The following FZD3 variants were observed in gnomAD, a reference collection of about 807,000 sequenced individuals.
FZD3 encodes the protein frizzled-3.
In FZD3, 30 loss-of-function variants were observed where a neutral mutation model predicts 60.7. That is an observed-to-expected ratio of 0.49 (90% CI 0.37 to 0.67). The LOEUF is 0.67. Ranked by LOEUF, FZD3 falls within the 30% of genes least tolerant of loss-of-function variation. The pLI, the probability that FZD3 is intolerant of heterozygous loss-of-function variation, is 0.00. For missense variants in FZD3, 605 were observed against 838.7 expected, an observed-to-expected ratio of 0.72 and a Z score of 3.44; for synonymous variants, 246 against 275.2, an observed-to-expected ratio of 0.89 and a Z score of 1.05.
chr8:28,520,627 C>T lies in FZD3; in HGVS notation c.190-11C>T. 1.3e-6 allele frequency: 2 copies of T among 1,509,228 alleles called. No individual in the cohort carries two copies. The highest frequency in any genetic ancestry group is 1.8e-6 in the Non-Finnish European group (2 of 1,117,730). The allele number at this position is 1,509,228 out of a possible 1,614,324, so 93.5% of individuals were successfully genotyped here. A position where few individuals can be genotyped will look rare whatever the true frequency, so the allele number is the denominator to read the frequency against. On this transcript the variant is annotated splice_polypyrimidine_tract_variant and intron_variant, in intron 3 of 7. Transcript: ENST00000240093. Reference sequence around the variant, plus strand: ...TCTTTAACTAATTATTCAATTTTAACTTTTCCCTAGCCATTCCACCCTATG... The same window carrying T: ...TCTTTAACTAATTATTCAATTTTAATTTTTCCCTAGCCATTCCACCCTATG...
chr8:28,531,568 C>T (rs917737727), intron 5 of FZD3, among the ~76,000 whole-genome samples: 5 of 152,062 alleles, frequency 3.3e-5, no homozygotes, highest in African/African-American at 9.7e-5. Flanking sequence ...TTAATTTATA[C>T]GCACACCAGA....
At chr8:28,517,197 AAAT>A (rs1474475646) in intron 3 of FZD3, among the ~76,000 whole-genome samples, 1 of 152,114 alleles carries the variant, frequency 6.6e-6, no homozygotes, top group Non-Finnish European at 1.5e-5. Flanking sequence ...CTTCATTTGT[AAAT>A]AATATTTTTA....
At chr8:28,499,396 A>G (rs1803932104) in intron 1 of FZD3, among the ~76,000 whole-genome samples, 1 of 152,186 alleles carries the variant, frequency 6.6e-6, no homozygotes, top group African/African-American at 2.4e-5. Flanking sequence ...TGGTTATACC[A>G]TAATTTATTT....
intron 5 of FZD3, among the ~76,000 whole-genome samples, chr8:28,547,203 C>T (rs1343750161): frequency 1.3e-5 from 2 of 152,190 alleles, no homozygotes; most frequent in Non-Finnish European, 2.9e-5. Flanking sequence ...CTCCCATACA[C>T]ACTTCCCTAC....
chr8:28,537,312 T>C (rs1401168366), intron 5 of FZD3, among the ~76,000 whole-genome samples: 1 of 152,258 alleles, frequency 6.6e-6, no homozygotes, highest in East Asian at 1.9e-4. Context: ...TATTCTGGCC[T>C]CTGTTAAACA....
At chr8:28,513,109 C>T (rs935877702) in intron 3 of FZD3, among the ~76,000 whole-genome samples, 2 of 152,076 alleles carry the variant, frequency 1.3e-5, no homozygotes, top group Non-Finnish European at 1.5e-5. Context: ...CGTCTAAATA[C>T]AAGTAGTAGA....
At chr8:28,533,851 A>T (rs1804942201) in intron 5 of FZD3, among the ~76,000 whole-genome samples, 1 of 152,166 alleles carries the variant, frequency 6.6e-6, no homozygotes, top group African/African-American at 2.4e-5. Context: ...TGGTGTGGCT[A>T]AAGTTTTATT....
chr8:28,569,727 A>G lies in FZD3; in HGVS notation c.*6716A>G, dbSNP rs1805771764. Reference sequence around the variant, plus strand: ...GATAATAAAAATGAAAGAAAGTTATAAATATTGGACATGGCTTTTTTAAAT... The same window carrying G: ...GATAATAAAAATGAAAGAAAGTTATGAATATTGGACATGGCTTTTTTAAAT... On this transcript the variant is annotated 3_prime_UTR_variant, in exon 8 of 8. Coordinates refer to ENST00000240093, the MANE Select transcript of FZD3 (RefSeq NM_017412.4). The G allele has an allele frequency of 6.6e-6, 1 of 152,330 alleles. No homozygotes were observed. The highest frequency in any genetic ancestry group is 2.1e-4 in the South Asian group (1 of 4,832). The allele number at this position is 152,330 out of a possible 1,614,324, so 9.4% of individuals were successfully genotyped here.
In FZD3 at chr8:28,564,445, A is replaced by T. The variant is rs936868992; in HGVS notation, c.*1434A>T. The T allele has an allele frequency of 3.0e-3, 118 of 38,762 alleles. No homozygotes were observed. Among genetic ancestry groups the T allele is most frequent in the Middle Eastern group, 0.014 (1 of 74 alleles). The allele number at this position is 38,762 out of a possible 1,614,324, so 2.4% of individuals were successfully genotyped here. The stretch of plus-strand genomic sequence containing the variant: ...AAATAAGAATTGGTAGCTTTCTTAA[A>T]AAAAAAAAAAAAAAAAAAAAGCGCT... On this transcript the variant is annotated 3_prime_UTR_variant, in exon 8 of 8. Transcript: ENST00000240093.
Position 28,569,911 on chromosome 8 carries a change from A to G in FZD3, c.*6900A>G, listed in dbSNP as rs762658341. ...CAAGATCAAATTAGTGAACAAAGCA[A>G]TGGTTCGTATGGCTAATTTAAAAGC... On this transcript the variant is annotated 3_prime_UTR_variant, in exon 8 of 8. Coordinates refer to ENST00000240093, the MANE Select transcript of FZD3 (RefSeq NM_017412.4). 1 of 152,210 alleles carries G rather than the reference A, an allele frequency of 6.6e-6. No individual in the cohort carries two copies. Among genetic ancestry groups the G allele is most frequent in the Admixed American group, 6.5e-5 (1 of 15,284 alleles). The allele number at this position is 152,210 out of a possible 1,614,324, so 9.4% of individuals were successfully genotyped here.
chr8:28,547,139 G>A (rs1006024061), intron 5 of FZD3, among the ~76,000 whole-genome samples: 25 of 152,158 alleles, frequency 1.6e-4, no homozygotes, highest in African/African-American at 6.0e-4. Context: ...TTATGTTCAC[G>A]CGTGTACAAA....
At chr8:28,525,967 C>T (rs73559417) in intron 4 of FZD3, among the ~76,000 whole-genome samples, 3,288 of 152,108 alleles carry the variant, frequency 0.022, 109 homozygotes, top group African/African-American at 0.075. Flanking sequence ...TTGGCCTGAG[C>T]AGCTAGAAGT....
chr8:28,533,721 A>G (rs1804937251), intron 5 of FZD3, among the ~76,000 whole-genome samples: 2 of 152,144 alleles, frequency 1.3e-5, no homozygotes, highest in African/African-American at 4.8e-5. Flanking sequence ...TTACCCTAAC[A>G]TCTCATGGGT....
chr8:28,522,598 C>T (rs560915635), intron 4 of FZD3, among the ~76,000 whole-genome samples: 11 of 152,114 alleles, frequency 7.2e-5, no homozygotes, highest in Non-Finnish European at 1.5e-4. Flanking sequence ...TTGTATTTAA[C>T]GCCTATTGTT....
chr8:28,572,611 A>G lies in FZD3; in HGVS notation c.*9600A>G, dbSNP rs1232125426. On this transcript the variant is annotated 3_prime_UTR_variant, in exon 8 of 8. Coordinates refer to ENST00000240093, the MANE Select transcript of FZD3 (RefSeq NM_017412.4). ...TGTATTAGGTTTGTGCAAACCTAATATAAAAGGGTTCATCTGTAAGTATCA... is the reference window on the plus strand; with the variant it reads ...TGTATTAGGTTTGTGCAAACCTAATGTAAAAGGGTTCATCTGTAAGTATCA... 6.6e-6 allele frequency: 1 copy of G among 152,210 alleles called. No individual in the cohort carries two copies. Among genetic ancestry groups the G allele is most frequent in the East Asian group, 1.9e-4 (1 of 5,198 alleles). 9.4% of individuals were successfully genotyped at this position (152,210 alleles called of 1,614,324 possible). A position where few individuals can be genotyped will look rare whatever the true frequency, so the allele number is the denominator to read the frequency against.
chr8:28,550,368 G>T (rs1805380955), intron 5 of FZD3, among the ~76,000 whole-genome samples: 1 of 133,412 alleles, frequency 7.5e-6, no homozygotes. Flanking sequence ...TCTTCCCTTT[G>T]TTGTTTTGAT....
At chr8:28,498,486 T>A (rs1407881146) in intron 1 of FZD3, among the ~76,000 whole-genome samples, 1 of 152,244 alleles carries the variant, frequency 6.6e-6, no homozygotes, top group Non-Finnish European at 1.5e-5. Flanking sequence ...TTAGGAAAAA[T>A]GGCATACTCA....
At position 28,533,364 on chromosome 8, in the gene FZD3, C is replaced by A. The variant is rs190581794; in HGVS notation, c.1404+5200C>A. On this transcript the variant is annotated intron_variant, in intron 5 of 7. Coordinates refer to ENST00000240093, the MANE Select transcript of FZD3 (RefSeq NM_017412.4). ...GATTATCTTTTTAATTCAATTATTTCTTGTCTTATTTCATCCCTACTGCTT... is the reference window on the plus strand; with the variant it reads ...GATTATCTTTTTAATTCAATTATTTATTGTCTTATTTCATCCCTACTGCTT... Among the ~76,000 whole-genome samples the A allele has an allele frequency of 3.6e-3, 550 of 152,182 alleles. 1 individual carries two copies. Among genetic ancestry groups the A allele is most frequent in the Non-Finnish European group, 6.2e-3 (419 of 67,978 alleles).
In FZD3 at chr8:28,520,912, GT is replaced by G. The variant is rs1303462494; in HGVS notation, c.386+82del. 1.2e-5 allele frequency: 13 copies of G among 1,081,194 alleles called. No individual in the cohort carries two copies. In the African/African-American group the frequency reaches 2.1e-4, roughly 17 times the overall value. The allele number at this position is 1,081,194 out of a possible 1,614,324, so 67.0% of individuals were successfully genotyped here. A position where few individuals can be genotyped will look rare whatever the true frequency, so the allele number is the denominator to read the frequency against. On this transcript the variant is annotated intron_variant, in intron 4 of 7. Coordinates refer to ENST00000240093, the MANE Select transcript of FZD3 (RefSeq NM_017412.4). ...AAAGTACTTGTCTTCTTTTCCATCT[GT>G]TTTAAAAAACTTTTTTTGAAGTGTA...
Sources: gnomAD v4.1 joint callset for allele counts (sites outside exome capture counted in the v4.1 genomes callset) on GRCh38, gnomAD v4.1.1 for gene constraint, MANE v1.5 for transcripts, NCBI Gene and HGNC (gene_info 2026-07-23, HGNC 2026-07-21) for gene names.